The following SPNS2 variants were observed in gnomAD, a reference collection of about 807,000 sequenced individuals.
SPNS2 encodes sphingosine-1-phosphate transporter SPNS2.
Under a neutral mutation model 57.6 loss-of-function variants are expected in SPNS2, and 37 were observed. That is an observed-to-expected ratio of 0.64 (90% CI 0.49 to 0.85). SPNS2 has a LOEUF of 0.85. Among genes scored for constraint, SPNS2 ranks in the 40% least tolerant of loss-of-function variants. SPNS2 has a pLI of 0.00. For synonymous variants in SPNS2, 440 were observed against 346.9 expected, an observed-to-expected ratio of 1.27 and a Z score of -2.98; for missense variants, 831 against 779.1, an observed-to-expected ratio of 1.07 and a Z score of -0.79.
chr17:4,503,467 A>T (rs1904587825), intron 1 of SPNS2, among the ~76,000 whole-genome samples: 1 of 152,190 alleles, frequency 6.6e-6, no homozygotes, highest in African/African-American at 2.4e-5. Flanking sequence ...CGCCCCCTCT[A>T]ACTAGCTCTG....
At position 4,499,348 on chromosome 17, in the gene SPNS2, C is replaced by T. The variant is rs1413963117; in HGVS notation, c.301C>T (p.Arg101Trp). Residue 101 changes from arginine (R) to tryptophan (W), a missense_variant, in exon 1 of 13, where the codon CGG (arginine) becomes TGG (tryptophan). Transcript: ENST00000329078. This position sits in a 1 kb window ranked among gnomAD's most constrained non-coding sequence, Gnocchi z 5.2. ...CAAACCGGCCAGCTTGGGCCGCGGG[C>T]GGGGGGCAGCCGCCGCCATCCTCAG... ...QPKPASLGRGRGAAAAILSLG... is the reference protein window; with the variant it reads ...QPKPASLGRGWGAAAAILSLG... 3 of 1,451,048 alleles carry T rather than the reference C, an allele frequency of 2.1e-6. No homozygotes were observed. Among genetic ancestry groups the T allele is most frequent in the Admixed American group, 2.7e-5 (1 of 36,922 alleles). 89.9% of individuals were successfully genotyped at this position (1,451,048 alleles called of 1,614,324 possible). A position where few individuals can be genotyped will look rare whatever the true frequency, so the allele number is the denominator to read the frequency against.
At position 4,530,754 on chromosome 17, in the gene SPNS2, C is replaced by T. The variant is rs775049508; in HGVS notation, c.696C>T (p.Ser232=). 3.0e-5 allele frequency: 48 copies of T among 1,613,698 alleles called. No individual in the cohort carries two copies. Among genetic ancestry groups the T allele is most frequent in the East Asian group, 6.7e-5 (3 of 44,882 alleles). ...FTKNTRTLML[S]VFYFAIPLGS... ...AGAACACGCGTACGCTCATGCTGTC[C>T]GTCTTCTACTTCGCCATCCCACTGG... is the stretch of plus-strand genomic sequence containing the variant. Residue 232 remains serine, a synonymous_variant, in exon 4 of 13, where the codon TCC becomes TCT. Coordinates refer to ENST00000329078, the MANE Select transcript of SPNS2 (RefSeq NM_001124758.3).
intron 6 of SPNS2, 65 bp from the exon 7 acceptor site, chr17:4,532,912 A>G: frequency 6.4e-7 from 1 of 1,556,948 alleles, no homozygotes; most frequent in Non-Finnish European, 8.7e-7. Flanking sequence ...CCCCCAGTGC[A>G]TGGGGCTGCC....
At chr17:4,516,358 A>G (rs1597362785) in intron 2 of SPNS2, among the ~76,000 whole-genome samples, 1 of 145,956 alleles carries the variant, frequency 6.9e-6, no homozygotes, top group African/African-American at 2.5e-5. Context: ...AAAACCGCTC[A>G]TAGGTTTTGC....
chr17:4,531,882 G>A (rs775701441), intron 5 of SPNS2, among the ~76,000 whole-genome samples: 8 of 152,128 alleles, frequency 5.3e-5, no homozygotes, highest in African/African-American at 1.7e-4. Flanking sequence ...GGCTGGAAAC[G>A]GGGAAGATCC....
At position 4,538,798 on chromosome 17, in the gene SPNS2, G is replaced by A. The variant is rs897275935; in HGVS notation, c.*1350G>A. On this transcript the variant is annotated 3_prime_UTR_variant, in exon 13 of 13. Transcript: ENST00000329078. ...GGGGTACCCCGAGGGCCTGACAAGA[G>A]GATGGGGTGGGGGTGGCATCCTCCA... is the stretch of plus-strand genomic sequence containing the variant. 4 of 758,452 alleles carry A rather than the reference G, an allele frequency of 5.3e-6. No individual in the cohort carries two copies. Among genetic ancestry groups the A allele is most frequent in the Non-Finnish European group, 9.7e-6 (4 of 411,774 alleles). 47.0% of individuals were successfully genotyped at this position (758,452 alleles called of 1,614,324 possible).
intron 1 of SPNS2, among the ~76,000 whole-genome samples, chr17:4,501,022 G>A (rs1159900401): frequency 1.3e-5 from 2 of 152,170 alleles, no homozygotes; most frequent in Admixed American, 6.5e-5. Flanking sequence ...CATCCTTTGG[G>A]GGAGAAATCA....
At chr17:4,533,168 C>T (rs1046644364) in intron 7 of SPNS2, 39 bp downstream of exon 7, 2 of 1,584,362 alleles carry the variant, frequency 1.3e-6, no homozygotes, top group South Asian at 1.1e-5. Flanking sequence ...TGGTGAGGGA[C>T]CTCGGACAGG....
intron 3 of SPNS2, among the ~76,000 whole-genome samples, chr17:4,525,964 C>G (rs1044346888): frequency 2.0e-5 from 3 of 152,140 alleles, no homozygotes; most frequent in African/African-American, 7.2e-5. Context: ...GAGTGGCAAT[C>G]ACATGCCGGC....
chr17:4,506,381 C>T (rs541531313), intron 1 of SPNS2, among the ~76,000 whole-genome samples: 1 of 152,200 alleles, frequency 6.6e-6, no homozygotes. Context: ...CCACTGGCCA[C>T]ACCCCCTGTG....
At chr17:4,525,244 C>T (rs749153814) in intron 3 of SPNS2, 51 bp downstream of exon 3, 13 of 1,597,266 alleles carry the variant, frequency 8.1e-6, no homozygotes, top group African/African-American at 1.3e-5. Context: ...GTCCCTCCAG[C>T]GAGTGGCTAG....
At position 4,536,274 on chromosome 17, in the gene SPNS2, G is replaced by C; in HGVS notation, c.1455G>C (p.Leu485=). The change falls in exon 11 of 13, where the codon CTG becomes CTC. Residue 485 remains leucine (L), a synonymous_variant. Coordinates refer to ENST00000329078, the MANE Select transcript of SPNS2 (RefSeq NM_001124758.3). ...SPYLIGFISD[L]IRQSTKDSPL... ...CCAAATCCTCGCAGATCTCAGACCT[G>C]ATCCGCCAGAGCACTAAGGACTCCC... 6.2e-7 allele frequency: 1 copy of C among 1,612,346 alleles called. No individual in the cohort carries two copies. Among genetic ancestry groups the C allele is most frequent in the Non-Finnish European group, 8.5e-7 (1 of 1,179,870 alleles).
chr17:4,536,062 CGCCT>C lies in SPNS2; in HGVS notation c.1345-12_1345-9del. ...TTTCTCCTCTGGCCGCTGACCTGCC[CGCCT>C]GTTCCGCAGTACGTGGTCATCCCCA... is the stretch of plus-strand genomic sequence containing the variant. On this transcript the variant is annotated splice_polypyrimidine_tract_variant and intron_variant, in intron 9 of 12. Coordinates refer to ENST00000329078, the MANE Select transcript of SPNS2 (RefSeq NM_001124758.3). The C allele has an allele frequency of 6.2e-7, 1 of 1,606,818 alleles. No individual in the cohort carries two copies. The highest frequency in any genetic ancestry group is 8.5e-7 in the Non-Finnish European group (1 of 1,177,692).
At chr17:4,537,130 G>A (rs1435323803) in intron 12 of SPNS2, among the ~76,000 whole-genome samples, 184 bp downstream of exon 12, 2 of 152,262 alleles carry the variant, frequency 1.3e-5, no homozygotes, top group Non-Finnish European at 2.9e-5. Flanking sequence ...ACAGCAGGCT[G>A]CTCCTTCCAG....
intron 1 of SPNS2, among the ~76,000 whole-genome samples, chr17:4,509,476 A>C (rs1904772523): frequency 6.6e-6 from 1 of 152,126 alleles, no homozygotes; most frequent in African/African-American, 2.4e-5. Flanking sequence ...TGAAAGGAGG[A>C]GAGGAAAGGA....
At position 4,530,799 on chromosome 17, in the gene SPNS2, G is replaced by T. The variant is rs1353358291; in HGVS notation, c.725+16G>T. On this transcript the variant is annotated intron_variant, in intron 4 of 12. Coordinates refer to ENST00000329078, the MANE Select transcript of SPNS2 (RefSeq NM_001124758.3). Reference sequence around the variant, plus strand: ...CACTGGGCAGGTGAGAGCCGGAGATGCCAGGGTCTGGGTGAGGATCTGGGC... The same window carrying T: ...CACTGGGCAGGTGAGAGCCGGAGATTCCAGGGTCTGGGTGAGGATCTGGGC... 1 of 1,607,666 alleles carries T rather than the reference G, an allele frequency of 6.2e-7. No homozygotes were observed. The highest frequency in any genetic ancestry group is 8.5e-7 in the Non-Finnish European group (1 of 1,176,752).
At chr17:4,532,368 G>C (rs996935848) in intron 5 of SPNS2, among the ~76,000 whole-genome samples, 174 bp from the exon 6 acceptor site, 1 of 152,082 alleles carries the variant, frequency 6.6e-6, no homozygotes, top group Non-Finnish European at 1.5e-5. Context: ...CCAGTCTCTT[G>C]ACCGACCTCA....
Position 4,513,332 on chromosome 17 carries a change from T to C in SPNS2, c.436+20T>C, listed in dbSNP as rs1008176827. ...AGTCAGGTGAGGCCCACCTCCCACC[T>C]TCCCCCCCACGCCCAGGCGTTGGCG... On this transcript the variant is annotated intron_variant, in intron 2 of 12. Transcript: ENST00000329078. The C allele has an allele frequency of 8.1e-6, 13 of 1,612,728 alleles. No homozygotes were observed. The highest frequency in any genetic ancestry group is 1.7e-5 in the Admixed American group (1 of 59,986).
At chr17:4,527,205 G>A (rs1258838547) in intron 3 of SPNS2, among the ~76,000 whole-genome samples, 1 of 152,262 alleles carries the variant, frequency 6.6e-6, no homozygotes, top group Admixed American at 6.5e-5. Context: ...ATGTGATTCT[G>A]AAGTTAATTT....
Sources: allele counts gnomAD v4.1 joint callset (sites outside exome capture counted in the v4.1 genomes callset), GRCh38; gene constraint gnomAD v4.1.1; non-coding constraint Gnocchi (gnomAD v3.1); transcripts MANE v1.5; gene names NCBI Gene and HGNC (gene_info 2026-07-23, HGNC 2026-07-21).